FRMD4A: variants seen among roughly 807,000 people sequenced by gnomAD.
FRMD4A encodes FERM domain-containing protein 4A.
Under a neutral mutation model 129.1 loss-of-function variants are expected in FRMD4A, and 29 were observed. That is an observed-to-expected ratio of 0.22 (90% CI 0.17 to 0.31). FRMD4A has a LOEUF of 0.31. Among genes scored for constraint, FRMD4A ranks in the 10% least tolerant of loss-of-function variants. The pLI is 1.00. For missense variants in FRMD4A, 1,272 were observed against 1,375.8 expected (o/e 0.92, Z 1.19); for synonymous variants, 634 against 571.6 (o/e 1.11, Z -1.56).
intron 13 of FRMD4A, among the ~76,000 whole-genome samples, chr10:13,704,037 C>T (rs1353304969): frequency 6.6e-6 from 1 of 152,064 alleles, no homozygotes; most frequent in African/African-American, 2.4e-5. Flanking sequence ...CAAAAAAACA[C>T]TCAAGGCCAT....
intron 2 of FRMD4A, among the ~76,000 whole-genome samples, chr10:14,089,388 G>A (rs1836499960): frequency 6.6e-6 from 1 of 152,110 alleles, no homozygotes; most frequent in African/African-American, 2.4e-5. Flanking sequence ...ACGGTTCCCA[G>A]AGAGGACGGG....
intron 2 of FRMD4A, among the ~76,000 whole-genome samples, chr10:14,098,384 T>C (rs1837112937): frequency 6.6e-6 from 1 of 151,134 alleles, no homozygotes; most frequent in Admixed American, 6.6e-5. Context: ...CTTCTGAATA[T>C]GGTTCTCTCT....
chr10:13,935,734 C>A (rs1275265544), intron 2 of FRMD4A, among the ~76,000 whole-genome samples: 4 of 152,316 alleles, frequency 2.6e-5, no homozygotes, highest in Admixed American at 2.6e-4. Flanking sequence ...CACTTACTCT[C>A]ATGTTGGACT....
chr10:14,054,608 G>A (rs924086215), intron 2 of FRMD4A, among the ~76,000 whole-genome samples: 3 of 152,094 alleles, frequency 2.0e-5, no homozygotes, highest in South Asian at 2.1e-4. Context: ...GGCAGTCCAC[G>A]CACACCCAGC....
chr10:13,681,975 T>C (rs1218062964), intron 15 of FRMD4A, among the ~76,000 whole-genome samples: 4 of 152,106 alleles, frequency 2.6e-5, no homozygotes, highest in African/African-American at 9.7e-5. Flanking sequence ...TCCCAGCACT[T>C]TTGGGAGGCT....
chr10:13,679,960 C>A (rs182251934), intron 15 of FRMD4A, among the ~76,000 whole-genome samples: 1 of 152,252 alleles, frequency 6.6e-6, no homozygotes, highest in Non-Finnish European at 1.5e-5. Flanking sequence ...TGCTTTCCCA[C>A]GTCCTCCACA....
chr10:13,787,646 A>G (rs1296286278), intron 5 of FRMD4A, among the ~76,000 whole-genome samples: 4 of 151,862 alleles, frequency 2.6e-5, no homozygotes, highest in Admixed American at 6.6e-5. Flanking sequence ...TTCTGTCGAG[A>G]TGGGGTCTCA....
intron 2 of FRMD4A, among the ~76,000 whole-genome samples, chr10:14,030,220 T>C (rs914911183): frequency 1.3e-5 from 2 of 152,226 alleles, no homozygotes; most frequent in Admixed American, 6.5e-5. Context: ...TACTGTCTAC[T>C]TGAAATTTGC....
intron 2 of FRMD4A, among the ~76,000 whole-genome samples, chr10:14,005,844 T>C (rs527329811): frequency 1.3e-5 from 2 of 152,330 alleles, no homozygotes; most frequent in Admixed American, 1.3e-4. Context: ...TAGTAACCCC[T>C]GGGCTCTGTG....
chr10:13,659,273 A>T, intron 21 of FRMD4A, 50 bp downstream of exon 21: 1 of 1,552,094 alleles, frequency 6.4e-7, no homozygotes, highest in Non-Finnish European at 8.9e-7. Context: ...GACAATGCCC[A>T]ATTTTAAAAA....
At chr10:13,844,843 A>G (rs954278654) in intron 3 of FRMD4A, among the ~76,000 whole-genome samples, 1 of 152,192 alleles carries the variant, frequency 6.6e-6, no homozygotes, top group Admixed American at 6.5e-5. Context: ...ACCGTGCGCT[A>G]CAAAATCACA....
At chr10:14,163,288 G>A (rs1427176228) in intron 2 of FRMD4A, among the ~76,000 whole-genome samples, 1 of 152,118 alleles carries the variant, frequency 6.6e-6, no homozygotes, top group African/African-American at 2.4e-5. Context: ...ATATGTCCAG[G>A]TTCATGCTCT....
At chr10:13,740,354 A>G (rs1447377940) in intron 10 of FRMD4A, 103 bp from the exon 11 acceptor site, 2 of 936,128 alleles carry the variant, frequency 2.1e-6, no homozygotes, top group Admixed American at 1.9e-5. Flanking sequence ...TGTGTACGTG[A>G]TAAAGTTCTC....
intron 2 of FRMD4A, among the ~76,000 whole-genome samples, chr10:14,092,879 C>T (rs1355328326): frequency 6.6e-6 from 1 of 152,170 alleles, no homozygotes; most frequent in South Asian, 2.1e-4. Flanking sequence ...GAATGGGACT[C>T]AGGCCTAGGG....
Position 13,690,558 on chromosome 10 carries a change from C to T in FRMD4A, c.1117+3340G>A, listed in dbSNP as rs150048718. 2.5e-3 allele frequency among the ~76,000 whole-genome samples: 379 copies of T among 152,346 alleles called. 11 individuals carry two copies. Among genetic ancestry groups the T allele is most frequent in the Admixed American group, 0.022 (334 of 15,302 alleles). ...GGTGTGGGGCACCCCAAGGAGCCTCCACCCTGGCACTAAAGGATGTTTTTC... is the reference window on the plus strand; with the variant it reads ...GGTGTGGGGCACCCCAAGGAGCCTCTACCCTGGCACTAAAGGATGTTTTTC... On this transcript the variant is annotated intron_variant, in intron 15 of 24. Transcript: ENST00000357447.
chr10:14,286,584 A>C (rs1412336716), intron 2 of FRMD4A, among the ~76,000 whole-genome samples: 4 of 152,228 alleles, frequency 2.6e-5, no homozygotes, highest in Non-Finnish European at 5.9e-5. Context: ...TCAGTATCTA[A>C]TAACACCCTG....
chr10:14,325,899 G>A (rs377747927), intron 2 of FRMD4A, among the ~76,000 whole-genome samples: 1 of 152,248 alleles, frequency 6.6e-6, no homozygotes, highest in East Asian at 1.9e-4. Context: ...TTCAAAAGAA[G>A]CCCAGAAATC....
chr10:13,706,299 T>C (rs2087427305), intron 13 of FRMD4A, among the ~76,000 whole-genome samples: 1 of 152,118 alleles, frequency 6.6e-6, no homozygotes, highest in Non-Finnish European at 1.5e-5. Flanking sequence ...TGGGGATGCA[T>C]ATAACTTTAG....
intron 24 of FRMD4A, chr10:13,648,232 T>A (rs548117055): frequency 1.3e-5 from 2 of 152,244 alleles, no homozygotes; most frequent in South Asian, 4.1e-4. Context: ...AGAAGCAAAG[T>A]AAGAAAAGGC....
Sources: allele counts gnomAD v4.1 joint callset (sites outside exome capture counted in the v4.1 genomes callset), GRCh38; gene constraint gnomAD v4.1.1; transcripts MANE v1.5; gene names NCBI Gene and HGNC (gene_info 2026-07-23, HGNC 2026-07-21).